Variants in DENND5B observed in about 807,000 individuals in gnomAD.
The protein encoded by DENND5B is DENN domain-containing protein 5B.
DENND5B carries 34 observed loss-of-function variants against 140.6 expected under a neutral mutation model. The ratio of observed to expected loss-of-function variants is 0.24; its 90% CI spans 0.18 to 0.32. The LOEUF (loss-of-function observed/expected upper bound fraction) is 0.32, where lower values mean the gene tolerates loss of function less well. Ranked by LOEUF, DENND5B falls within the 10% of genes least tolerant of loss-of-function variation. DENND5B has a pLI of 1.00. For missense variants in DENND5B, 1,142 were observed against 1,560.2 expected (o/e 0.73, Z 4.52); for synonymous variants, 551 against 562.1 (o/e 0.98, Z 0.28).
At chr12:31,401,871 C>T (rs1229108126) in intron 15 of DENND5B, among the ~76,000 whole-genome samples, 2 of 152,108 alleles carry the variant, frequency 1.3e-5, no homozygotes, top group Non-Finnish European at 2.9e-5. Flanking sequence ...GCAATCTGCT[C>T]ACCTTGGTCT....
At position 31,409,153 on chromosome 12, in the gene DENND5B, G is replaced by A. The variant is rs574525175; in HGVS notation, c.2803+110C>T. ...TTTACTCCTAAACAGAGACCTGGGC[G>A]TATGTCACAATGTCACATGTACTAT... On this transcript the variant is annotated intron_variant, in intron 14 of 20. Coordinates refer to ENST00000389082, the MANE Select transcript of DENND5B (RefSeq NM_144973.4). 10 of 1,150,670 alleles carry A rather than the reference G, an allele frequency of 8.7e-6. No individual in the cohort carries two copies. In the East Asian group the frequency reaches 1.4e-4, roughly 16 times the overall value. The allele number at this position is 1,150,670 out of a possible 1,614,324, so 71.3% of individuals were successfully genotyped here. A position where few individuals can be genotyped will look rare whatever the true frequency, so the allele number is the denominator to read the frequency against.
intron 1 of DENND5B, among the ~76,000 whole-genome samples, chr12:31,548,211 G>C (rs2139219399): frequency 6.6e-6 from 1 of 152,034 alleles, no homozygotes; most frequent in South Asian, 2.1e-4. Context: ...GGGCAACAAA[G>C]TGAAACCCCA....
chr12:31,585,078 C>T (rs1453001040), intron 1 of DENND5B, among the ~76,000 whole-genome samples: 2 of 152,070 alleles, frequency 1.3e-5, no homozygotes, highest in African/African-American at 4.8e-5. Flanking sequence ...TCACCCATTA[C>T]CTCTAGGAGG....
intron 3 of DENND5B, among the ~76,000 whole-genome samples, chr12:31,478,148 A>T (rs1476746335): frequency 1.3e-5 from 2 of 152,200 alleles, no homozygotes; most frequent in Non-Finnish European, 2.9e-5. Context: ...TAACTTCCTG[A>T]CAACAAAAAT....
chr12:31,389,379 G>A lies in DENND5B; in HGVS notation c.3586C>T (p.Pro1196Ser). 1 of 1,613,562 alleles carries A rather than the reference G, an allele frequency of 6.2e-7. No homozygotes were observed. Among genetic ancestry groups the A allele is most frequent in the Non-Finnish European group, 8.5e-7 (1 of 1,179,736 alleles). The change falls in exon 20 of 21, where the codon CCC (proline) becomes TCC (serine). Residue 1196 changes from proline (P) to serine (S), a missense_variant. Coordinates refer to ENST00000389082, the MANE Select transcript of DENND5B (RefSeq NM_144973.4). ...CHYVNAINTAPRNIGKDGKFQ... is the reference protein window; with the variant it reads ...CHYVNAINTASRNIGKDGKFQ... ...TTGCCATCCTTCCCAATGTTCCTGG[G>A]TGCAGTATTAATAGCATTTACGTAG... is the stretch of plus-strand genomic sequence containing the variant.
chr12:31,547,599 T>C (rs1236293039), intron 1 of DENND5B, among the ~76,000 whole-genome samples: 4 of 152,054 alleles, frequency 2.6e-5, no homozygotes, highest in African/African-American at 4.8e-5. Context: ...GGTTTCATCA[T>C]ATTGGTCAGG....
At chr12:31,499,385 T>C (rs892006747) in intron 1 of DENND5B, among the ~76,000 whole-genome samples, 6 of 152,218 alleles carry the variant, frequency 3.9e-5, no homozygotes, top group African/African-American at 1.4e-4. Context: ...GTAGGAAATA[T>C]CTGCCAAGAG....
At chr12:31,522,063 C>T (rs768015550) in intron 1 of DENND5B, among the ~76,000 whole-genome samples, 2 of 152,124 alleles carry the variant, frequency 1.3e-5, no homozygotes, top group Admixed American at 6.6e-5. Flanking sequence ...ATATCCTCAC[C>T]CCTTTCTGCT....
intron 6 of DENND5B, among the ~76,000 whole-genome samples, chr12:31,445,689 C>A (rs546258342): frequency 8.0e-6 from 1 of 124,688 alleles, no homozygotes; most frequent in East Asian, 2.8e-4. Context: ...TGAGTGACAG[C>A]GAGATTCTGT....
chr12:31,496,801 T>C (rs901865672), intron 1 of DENND5B, among the ~76,000 whole-genome samples: 3 of 152,130 alleles, frequency 2.0e-5, no homozygotes, highest in Non-Finnish European at 4.4e-5. Flanking sequence ...ACCAGAGTAA[T>C]TCCCTTAAGA....
At chr12:31,421,045 A>C (rs371513090) in intron 11 of DENND5B, among the ~76,000 whole-genome samples, 8 of 152,056 alleles carry the variant, frequency 5.3e-5, no homozygotes, top group African/African-American at 1.9e-4. Flanking sequence ...AACCCATCAA[A>C]ATTTTTTTTT....
chr12:31,500,310 T>G (rs1431176903), intron 1 of DENND5B: 1 of 447,342 alleles, frequency 2.2e-6, no homozygotes, highest in Non-Finnish European at 4.4e-6. Context: ...TTTGGAGTAT[T>G]CTGGATCTCA....
chr12:31,535,929 G>A (rs1186113386), intron 1 of DENND5B, among the ~76,000 whole-genome samples: 2 of 152,192 alleles, frequency 1.3e-5, no homozygotes, highest in South Asian at 2.1e-4. Context: ...GGTGGGAGGC[G>A]ACTGGATCAT....
intron 1 of DENND5B, 103 bp downstream of exon 1, chr12:31,590,603 G>A (rs1950587382): frequency 3.1e-6 from 4 of 1,279,004 alleles, no homozygotes; most frequent in African/African-American, 1.6e-5. Context: ...GGGCGCCACC[G>A]GGAGCTGACT....
intron 1 of DENND5B, among the ~76,000 whole-genome samples, chr12:31,541,380 C>G (rs2139168725): frequency 6.6e-6 from 1 of 152,196 alleles, no homozygotes; most frequent in Non-Finnish European, 1.5e-5. Context: ...ATCATCCAAT[C>G]AAAAATGGGC....
chr12:31,414,509 C>T (rs1942620188), intron 12 of DENND5B, among the ~76,000 whole-genome samples: 1 of 152,060 alleles, frequency 6.6e-6, no homozygotes, highest in East Asian at 1.9e-4. Context: ...GTTTTAAAAA[C>T]TGAACAAAAG....
Position 31,387,430 on chromosome 12 carries a change from G to T in DENND5B, c.*173C>A. On this transcript the variant is annotated 3_prime_UTR_variant, in exon 21 of 21. Coordinates refer to ENST00000389082, the MANE Select transcript of DENND5B (RefSeq NM_144973.4). Reference sequence around the variant, plus strand: ...TACTCTATTTTATACTAAATTCCAGGTTCAAATGAACTACAATACAACATT... The same window carrying T: ...TACTCTATTTTATACTAAATTCCAGTTTCAAATGAACTACAATACAACATT... 1.8e-6 allele frequency: 1 copy of T among 569,254 alleles called. No homozygotes were observed. Among genetic ancestry groups the T allele is most frequent in the Non-Finnish European group, 3.0e-6 (1 of 331,608 alleles). The allele number at this position is 569,254 out of a possible 1,614,324, so 35.3% of individuals were successfully genotyped here.
chr12:31,408,687 T>C lies in DENND5B; in HGVS notation c.2803+576A>G, dbSNP rs1031455177. On this transcript the variant is annotated intron_variant, in intron 14 of 20. Transcript: ENST00000389082. ...AGCATTTCCTTCCAAAGTTGAATGA[T>C]GTCCAATTGCATAAGTTTATTATTA... is the stretch of plus-strand genomic sequence containing the variant. 2.0e-5 allele frequency among the ~76,000 whole-genome samples: 3 copies of C among 151,282 alleles called. No homozygotes were observed. In the East Asian group the frequency reaches 5.8e-4, roughly 29 times the overall value.
chr12:31,482,923 T>C (rs1241354062), intron 2 of DENND5B, among the ~76,000 whole-genome samples: 1 of 152,226 alleles, frequency 6.6e-6, no homozygotes, highest in Non-Finnish European at 1.5e-5. Flanking sequence ...GTCCTTATAA[T>C]GGCCTGCAGG....
Sources: gnomAD v4.1 joint callset for allele counts (sites outside exome capture counted in the v4.1 genomes callset) on GRCh38, gnomAD v4.1.1 for gene constraint, MANE v1.5 for transcripts, NCBI Gene and HGNC (gene_info 2026-07-23, HGNC 2026-07-21) for gene names.